The following BICC1 variants were observed in gnomAD, a reference collection of about 807,000 sequenced individuals.
BICC1 encodes protein bicaudal C homolog 1.
BICC1 carries 43 observed loss-of-function variants against 111.0 expected under a neutral mutation model. That is an observed-to-expected ratio of 0.39 (90% CI 0.30 to 0.50). BICC1 has a LOEUF of 0.50. Among genes scored for constraint, BICC1 ranks in the 20% least tolerant of loss-of-function variants. The probability of loss-of-function intolerance (pLI) is 0.88; values close to 1 mark genes in which losing one functional copy is unlikely to be tolerated. For missense variants in BICC1, 1,091 were observed against 1,203.2 expected (o/e 0.91, Z 1.38); for synonymous variants, 467 against 434.4 (o/e 1.07, Z -0.93).
chr10:58,602,735 T>C (rs1769596534), intron 1 of BICC1, among the ~76,000 whole-genome samples: 1 of 152,198 alleles, frequency 6.6e-6, no homozygotes, highest in African/African-American at 2.4e-5. Flanking sequence ...CCCTAAATGT[T>C]TCCCTAGGCC....
chr10:58,820,526 C>T (rs1844223351), intron 20 of BICC1, 58 bp downstream of exon 20: 1 of 1,276,508 alleles, frequency 7.8e-7, no homozygotes, highest in Admixed American at 1.7e-5. Flanking sequence ...CCAGTGGTCT[C>T]AGCCATTGGG....
At chr10:58,808,995 G>A (rs988009630) in intron 17 of BICC1, among the ~76,000 whole-genome samples, 4 of 151,810 alleles carry the variant, frequency 2.6e-5, no homozygotes, top group Non-Finnish European at 5.9e-5. Context: ...GATTACAGGT[G>A]TGAGCCGCCA....
At chr10:58,826,833 G>A (rs926366489) in intron 20 of BICC1, among the ~76,000 whole-genome samples, 9 of 152,176 alleles carry the variant, frequency 5.9e-5, no homozygotes, top group African/African-American at 1.4e-4. Flanking sequence ...TGTTTTGTGC[G>A]AATGCAGTCA....
At chr10:58,579,983 T>TA (rs869211105) in intron 1 of BICC1, among the ~76,000 whole-genome samples, 7 of 151,180 alleles carry the variant, frequency 4.6e-5, no homozygotes, top group Non-Finnish European at 7.4e-5. Flanking sequence ...TTTTTTTTTT[T>TA]ATTGTGTTTA....
At chr10:58,658,296 T>C (rs1236121973) in intron 2 of BICC1, among the ~76,000 whole-genome samples, 1 of 152,148 alleles carries the variant, frequency 6.6e-6, no homozygotes, top group African/African-American at 2.4e-5. Context: ...TAAGCGATTC[T>C]CCTGCCTTAG....
intron 2 of BICC1, among the ~76,000 whole-genome samples, chr10:58,662,455 G>T (rs1248880631): frequency 6.6e-6 from 1 of 152,136 alleles, no homozygotes; most frequent in African/African-American, 2.4e-5. Context: ...CTTGCATTAG[G>T]AATGTGAAAC....
chr10:58,803,901 T>A (rs1475908976), intron 15 of BICC1, among the ~76,000 whole-genome samples: 2 of 152,158 alleles, frequency 1.3e-5, no homozygotes, highest in Non-Finnish European at 2.9e-5. Context: ...AGATAAGGAT[T>A]TGTGCTTTGT....
chr10:58,620,985 C>T (rs941246534), intron 2 of BICC1, 84 bp downstream of exon 2: 47 of 1,201,240 alleles, frequency 3.9e-5, no homozygotes, highest in South Asian at 2.8e-5. Flanking sequence ...CCACCGAACG[C>T]TCCCCTTCAT....
chr10:58,666,375 G>A (rs1042315012), intron 2 of BICC1, among the ~76,000 whole-genome samples: 1 of 152,134 alleles, frequency 6.6e-6, no homozygotes, highest in Non-Finnish European at 1.5e-5. Context: ...TTGTCTCACT[G>A]TTAAGCTAGG....
At chr10:58,589,871 T>C (rs1844550804) in intron 1 of BICC1, among the ~76,000 whole-genome samples, 1 of 152,030 alleles carries the variant, frequency 6.6e-6, no homozygotes, top group Non-Finnish European at 1.5e-5. Flanking sequence ...ATAGGCATGG[T>C]CATAGTGCAC....
chr10:58,716,975 C>A, intron 3 of BICC1, among the ~76,000 whole-genome samples: 1 of 147,560 alleles, frequency 6.8e-6, no homozygotes, highest in East Asian at 1.9e-4. Context: ...GAGAAACAGC[C>A]ATTTGCAGCA....
At chr10:58,825,213 T>C (rs2132990079) in intron 20 of BICC1, among the ~76,000 whole-genome samples, 1 of 152,230 alleles carries the variant, frequency 6.6e-6, no homozygotes, top group African/African-American at 2.4e-5. Context: ...AAGTATAGGG[T>C]TCATGAGTTG....
intron 2 of BICC1, among the ~76,000 whole-genome samples, chr10:58,622,360 G>T (rs542065156): frequency 6.6e-6 from 1 of 152,274 alleles, no homozygotes; most frequent in South Asian, 2.1e-4. Flanking sequence ...CAATTTAAAA[G>T]CTGAGTCAAA....
intron 8 of BICC1, among the ~76,000 whole-genome samples, chr10:58,791,555 G>C (rs923879092): frequency 1.3e-5 from 2 of 152,066 alleles, no homozygotes; most frequent in African/African-American, 2.4e-5. Flanking sequence ...GGCCAATATG[G>C]TGAAACCCCA....
intron 1 of BICC1, among the ~76,000 whole-genome samples, chr10:58,601,695 T>G (rs1358008838): frequency 6.6e-6 from 1 of 152,048 alleles, no homozygotes; most frequent in Admixed American, 6.6e-5. Flanking sequence ...CTTCCGCCAT[T>G]GTACAAACAC....
Position 58,628,586 on chromosome 10 carries a change from A to ATCAT in BICC1, c.237+7688_237+7691dup, listed in dbSNP as rs559730337. Among the ~76,000 whole-genome samples, 52 of 152,198 alleles carry ATCAT rather than the reference A, an allele frequency of 3.4e-4. No individual in the cohort carries two copies. In the East Asian group the frequency reaches 6.8e-3, roughly 20 times the overall value. ...CATATGACTTAGTTTTCAGACCCTTATCATTCTTTTCGCTTTCAGTAGCAA... is the reference window on the plus strand; with the variant it reads ...CATATGACTTAGTTTTCAGACCCTTATCATTCATTCTTTTCGCTTTCAGTAGCAA... On this transcript the variant is annotated intron_variant, in intron 2 of 20. Coordinates refer to ENST00000373886, the MANE Select transcript of BICC1 (RefSeq NM_001080512.3).
rs975564339 is a variant in BICC1 at position 58,783,592 on chromosome 10, G to A, written c.308-1409G>A. ...GCTTTAGGAGTTAAAGGATTCAGGC[G>A]GAACTGGTGGTAAATTGTGAAAGGT... On this transcript the variant is annotated intron_variant, in intron 3 of 20. Transcript: ENST00000373886. Among the ~76,000 whole-genome samples the A allele has an allele frequency of 2.6e-5, 3 of 113,236 alleles. 1 individual carries two copies. The highest frequency in any genetic ancestry group is 8.7e-3 in the Middle Eastern group (2 of 230). The allele number at this position is 113,236 out of a possible 152,430, so 74.3% of individuals were successfully genotyped here.
At chr10:58,512,775 G>A (rs1017370572), upstream of BICC1, among the ~76,000 whole-genome samples, 8 of 151,270 alleles carry the variant, frequency 5.3e-5, no homozygotes, top group Admixed American at 4.6e-4. Flanking sequence ...GGCTCCCCGT[G>A]GGCTGGCCGG....
chr10:58,697,252 G>A (rs910750321), intron 2 of BICC1, among the ~76,000 whole-genome samples: 2 of 152,058 alleles, frequency 1.3e-5, no homozygotes, highest in Admixed American at 1.3e-4. Context: ...GATTTTTTGG[G>A]AATTAATTGG....
Sources: gnomAD v4.1 joint callset for allele counts (sites outside exome capture counted in the v4.1 genomes callset) on GRCh38, gnomAD v4.1.1 for gene constraint, MANE v1.5 for transcripts, NCBI Gene and HGNC (gene_info 2026-07-23, HGNC 2026-07-21) for gene names.